The following UBA6 variants were observed in gnomAD, a reference collection of about 807,000 sequenced individuals.
UBA6 encodes ubiquitin-like modifier-activating enzyme 6.
UBA6 carries 87 observed loss-of-function variants against 148.3 expected under a neutral mutation model. The observed-to-expected ratio is 0.59, with a 90% CI of 0.49 to 0.70. UBA6 has a LOEUF of 0.70. Ranked by LOEUF, UBA6 falls within the 30% of genes least tolerant of loss-of-function variation. UBA6 has a pLI of 0.00. For missense variants in UBA6, 1,186 were observed against 1,241.2 expected, an observed-to-expected ratio of 0.96 and a Z score of 0.67; for synonymous variants, 376 against 401.0, an observed-to-expected ratio of 0.94 and a Z score of 0.75.
chr4:67,641,147 A>G lies in UBA6; in HGVS notation c.1554+4T>C. 1.3e-6 allele frequency: 2 copies of G among 1,563,142 alleles called. No individual in the cohort carries two copies. The highest frequency in any genetic ancestry group is 1.7e-6 in the Non-Finnish European group (2 of 1,148,830). On this transcript the variant is annotated splice_donor_region_variant and intron_variant, in intron 18 of 32. Transcript: ENST00000322244. ...TTTAAATTTGAAACAGAATAGCAAC[A>G]TACCTGTATGTGATGAGGACGAAAT...
chr4:67,676,101 G>C (rs1279528873), intron 6 of UBA6, among the ~76,000 whole-genome samples: 1 of 141,318 alleles, frequency 7.1e-6, no homozygotes. Context: ...TTGGCTCACT[G>C]CAACTTCCGC....
chr4:67,615,832 A>G lies in UBA6; in HGVS notation c.*3165T>C, dbSNP rs548169731. On this transcript the variant is annotated 3_prime_UTR_variant, in exon 33 of 33. Transcript: ENST00000322244. ...GTTTACACACATAGGTGGTAACACT[A>G]TAAAAACAAAGAGACAATTATCATA... 2.4e-5 allele frequency: 6 copies of G among 250,962 alleles called. No individual in the cohort carries two copies. The highest frequency in any genetic ancestry group is 1.3e-4 in the African/African-American group (6 of 45,580). The allele number at this position is 250,962 out of a possible 1,614,324, so 15.5% of individuals were successfully genotyped here.
chr4:67,693,543 A>G (rs1221105728), intron 2 of UBA6, among the ~76,000 whole-genome samples: 2 of 152,182 alleles, frequency 1.3e-5, no homozygotes, highest in Non-Finnish European at 2.9e-5. Context: ...TCAAGTGTCA[A>G]CTATACTATA....
rs532396873 is a variant in UBA6 at position 67,689,081 on chromosome 4, C to G, written c.135-6868G>C. 2.1e-3 allele frequency among the ~76,000 whole-genome samples: 317 copies of G among 152,170 alleles called. 4 individuals are homozygous for G. Among genetic ancestry groups the G allele is most frequent in the Non-Finnish European group, 2.9e-4 (20 of 67,944 alleles). ...TACTTTGGGTACCCATACAACCGTT[C>G]TGATTTTTACTTTCAGTACAGTATT... On this transcript the variant is annotated intron_variant, in intron 2 of 32. Coordinates refer to ENST00000322244, the MANE Select transcript of UBA6 (RefSeq NM_018227.6).
intron 9 of UBA6, among the ~76,000 whole-genome samples, chr4:67,666,147 T>A (rs1340650205): frequency 1.3e-5 from 2 of 152,070 alleles, no homozygotes; most frequent in African/African-American, 4.8e-5. Context: ...CACCTGTGAA[T>A]AGCCACTGTA....
chr4:67,666,797 C>T (rs1338396788), intron 9 of UBA6, among the ~76,000 whole-genome samples: 1 of 151,948 alleles, frequency 6.6e-6, no homozygotes, highest in Admixed American at 6.6e-5. Flanking sequence ...ATCACTTGGG[C>T]CCAGGAGGCT....
rs190256248 is a variant in UBA6 at position 67,699,992 on chromosome 4, C to T, written c.71+1057G>A. Among the ~76,000 whole-genome samples the T allele has an allele frequency of 8.4e-3, 1,279 of 152,246 alleles. 16 individuals carry two copies. The highest frequency in any genetic ancestry group is 0.037 in the South Asian group (177 of 4,818). On this transcript the variant is annotated intron_variant, in intron 1 of 32. Coordinates refer to ENST00000322244, the MANE Select transcript of UBA6 (RefSeq NM_018227.6). ...TCCTTGCATGGCGGGGGCAATAGGC[C>T]TGGTGGGTAAATCTGAATAAAAACG...
At chr4:67,641,296 T>C in intron 17 of UBA6, 68 bp from the exon 18 acceptor site, 1 of 996,202 alleles carries the variant, frequency 1.0e-6, no homozygotes, top group East Asian at 2.5e-5. Flanking sequence ...CTTTTCTCAG[T>C]ATGACTAAAA....
intron 16 of UBA6, among the ~76,000 whole-genome samples, chr4:67,645,682 A>G (rs184600675): frequency 1.3e-5 from 2 of 152,274 alleles, no homozygotes; most frequent in Non-Finnish European, 2.9e-5. Context: ...ATTTTCAAAC[A>G]TATTTCTAGA....
chr4:67,634,574 T>G, intron 20 of UBA6, 56 bp from the exon 21 acceptor site: 1 of 1,296,154 alleles, frequency 7.7e-7, no homozygotes, highest in Admixed American at 2.6e-5. Context: ...CCAATTTTTA[T>G]TGATTTAATC....
intron 1 of UBA6, among the ~76,000 whole-genome samples, chr4:67,700,790 G>T (rs986214263): frequency 2.6e-5 from 4 of 152,156 alleles, no homozygotes; most frequent in African/African-American, 9.7e-5. Flanking sequence ...GAGGAAGGAG[G>T]ATCCCGAATC....
chr4:67,687,403 T>G (rs184348098), intron 2 of UBA6, among the ~76,000 whole-genome samples: 10 of 152,202 alleles, frequency 6.6e-5, no homozygotes, highest in Non-Finnish European at 1.5e-4. Flanking sequence ...AAAGAAAGAT[T>G]AAGCAACTAG....
At chr4:67,633,634 C>A (rs1412308002) in intron 22 of UBA6, among the ~76,000 whole-genome samples, 161 bp from the exon 23 acceptor site, 1 of 152,056 alleles carries the variant, frequency 6.6e-6, no homozygotes, top group East Asian at 1.9e-4. Flanking sequence ...TTTAACCTTT[C>A]TTTTCTTTTC....
chr4:67,678,538 A>G lies in UBA6; in HGVS notation c.259-5T>C, dbSNP rs767820383. The G allele has an allele frequency of 5.8e-6, 9 of 1,560,234 alleles. No homozygotes were observed. In the Admixed American group the frequency reaches 1.6e-4, roughly 27 times the overall value. On this transcript the variant is annotated splice_polypyrimidine_tract_variant and splice_region_variant and intron_variant, in intron 4 of 32. Coordinates refer to ENST00000322244, the MANE Select transcript of UBA6 (RefSeq NM_018227.6). ...TGTATCATGAATTGTAACTGCCTTCAAAAAAGAAAAAAGTATTGGTTGAAG... is the reference window on the plus strand; with the variant it reads ...TGTATCATGAATTGTAACTGCCTTCGAAAAAGAAAAAAGTATTGGTTGAAG...
At chr4:67,639,863 TA>T (rs1386895183) in intron 18 of UBA6, among the ~76,000 whole-genome samples, 2 of 152,200 alleles carry the variant, frequency 1.3e-5, no homozygotes, top group African/African-American at 4.8e-5. Context: ...TACAGTATCT[TA>T]TTGTACCACA....
At chr4:67,680,680 T>G (rs1380085167) in intron 4 of UBA6, among the ~76,000 whole-genome samples, 1 of 152,186 alleles carries the variant, frequency 6.6e-6, no homozygotes, top group Non-Finnish European at 1.5e-5. Flanking sequence ...CTTCATAGTA[T>G]TTAGGCTTTC....
chr4:67,663,057 C>T, intron 12 of UBA6, 82 bp downstream of exon 12: 1 of 940,422 alleles, frequency 1.1e-6, no homozygotes, highest in Non-Finnish European at 1.6e-6. Context: ...TTACAAAGGG[C>T]ATAGTTACTT....
At chr4:67,657,826 C>CAAAAAAAAA (rs57984969) in intron 13 of UBA6, among the ~76,000 whole-genome samples, 7 of 115,134 alleles carry the variant, frequency 6.1e-5, no homozygotes, top group South Asian at 3.0e-4. Context: ...AACAAATTTA[C>CAAAAAAAAA]AAAAAAAAAA....
At position 67,614,428 on chromosome 4, in the gene UBA6, C is replaced by G. The variant is rs1207562913; in HGVS notation, c.*4569G>C. 1 of 152,136 alleles carries G rather than the reference C, an allele frequency of 6.6e-6. No homozygotes were observed. The highest frequency in any genetic ancestry group is 2.4e-5 in the African/African-American group (1 of 41,426). 9.4% of individuals were successfully genotyped at this position (152,136 alleles called of 1,614,324 possible). ...CTCTGAAAATATTTACAGAGTTTGA[C>G]TCTTTTCATCAACAGATGTTGATGA... On this transcript the variant is annotated 3_prime_UTR_variant, in exon 33 of 33. Transcript: ENST00000322244.
Sources: allele counts gnomAD v4.1 joint callset (sites outside exome capture counted in the v4.1 genomes callset), GRCh38; gene constraint gnomAD v4.1.1; transcripts MANE v1.5; gene names NCBI Gene and HGNC (gene_info 2026-07-23, HGNC 2026-07-21).